Variants in MACROD2 observed in about 807,000 individuals in gnomAD.
The protein encoded by MACROD2 is ADP-ribose glycohydrolase MACROD2.
A neutral mutation model predicts 70.4 loss-of-function variants in MACROD2; 36 were observed. The ratio of observed to expected loss-of-function variants is 0.51; its 90% confidence interval spans 0.39 to 0.68. The LOEUF (loss-of-function observed/expected upper bound fraction) is 0.68. Ranked by LOEUF, MACROD2 falls within the 30% of genes least tolerant of loss-of-function variation. MACROD2 has a pLI of 0.00. For synonymous variants in MACROD2, 172 were observed against 178.8 expected (o/e 0.96, Z 0.30); for missense variants, 496 against 538.4 (o/e 0.92, Z 0.78).
intron 6 of MACROD2, among the ~76,000 whole-genome samples, chr20:15,372,951 T>G (rs2045513059): frequency 6.6e-6 from 1 of 151,900 alleles, no homozygotes; most frequent in African/African-American, 2.4e-5. Context: ...GCTTGGGAGG[T>G]TGGGGCAGAA....
At chr20:14,309,289 C>T (rs193173368) in intron 3 of MACROD2, among the ~76,000 whole-genome samples, 22 of 152,218 alleles carry the variant, frequency 1.4e-4, no homozygotes, top group Admixed American at 1.2e-3. Flanking sequence ...AGACCCTTCA[C>T]GTAATTTCCT....
chr20:15,568,690 A>T (rs1028958366), intron 8 of MACROD2, among the ~76,000 whole-genome samples: 1 of 152,204 alleles, frequency 6.6e-6, no homozygotes, highest in Admixed American at 6.5e-5. Flanking sequence ...AAGGTCACAC[A>T]TAAGATAAAT....
At chr20:14,346,349 C>A (rs552164247) in intron 3 of MACROD2, among the ~76,000 whole-genome samples, 91 of 152,200 alleles carry the variant, frequency 6.0e-4, no homozygotes, top group African/African-American at 2.2e-3. Flanking sequence ...CTGTGTGGCT[C>A]ACATTCTATC....
chr20:15,757,626 T>G (rs149257203), intron 8 of MACROD2, among the ~76,000 whole-genome samples: 1 of 152,282 alleles, frequency 6.6e-6, no homozygotes, highest in East Asian at 1.9e-4. Context: ...GACTGGGTGA[T>G]CTAAACAACA....
At chr20:15,256,784 TTG>T (rs2146036955) in intron 6 of MACROD2, among the ~76,000 whole-genome samples, 1 of 152,196 alleles carries the variant, frequency 6.6e-6, no homozygotes, top group African/African-American at 2.4e-5. Flanking sequence ...TTGGATTTAT[TTG>T]GAAATGACAG....
At chr20:14,136,375 AG>A (rs2054798194) in intron 3 of MACROD2, among the ~76,000 whole-genome samples, 1 of 152,214 alleles carries the variant, frequency 6.6e-6, no homozygotes, top group Non-Finnish European at 1.5e-5. Flanking sequence ...AGGCCGAGAC[AG>A]ACCTAGATGT....
intron 4 of MACROD2, among the ~76,000 whole-genome samples, chr20:14,570,828 C>CT (rs1980143081): frequency 6.6e-6 from 1 of 151,850 alleles, no homozygotes; most frequent in Non-Finnish European, 1.5e-5. Context: ...ACAACTTAGA[C>CT]AAGAATTAGA....
intron 7 of MACROD2, among the ~76,000 whole-genome samples, chr20:15,458,632 T>TTG (rs990865702): frequency 3.4e-5 from 5 of 148,740 alleles, no homozygotes; most frequent in African/African-American, 4.9e-5. Flanking sequence ...TTTTTGTTTT[T>TTG]TTTTTTTAAA....
At chr20:15,277,661 C>G (rs1025988632) in intron 6 of MACROD2, among the ~76,000 whole-genome samples, 9 of 152,162 alleles carry the variant, frequency 5.9e-5, no homozygotes, top group African/African-American at 2.2e-4. Flanking sequence ...GATAGAGGAT[C>G]TAGACCCTAG....
chr20:14,509,136 A>G (rs775957750), intron 4 of MACROD2, among the ~76,000 whole-genome samples: 3 of 152,154 alleles, frequency 2.0e-5, no homozygotes, highest in Non-Finnish European at 4.4e-5. Flanking sequence ...AAATCAAAAG[A>G]ACCATAAGCT....
chr20:14,177,676 G>A (rs1260591959), intron 3 of MACROD2, among the ~76,000 whole-genome samples: 2 of 152,106 alleles, frequency 1.3e-5, no homozygotes, highest in African/African-American at 2.4e-5. Flanking sequence ...AATGACCAGT[G>A]AAATAGGATA....
At chr20:15,431,725 T>C (rs1231615115) in intron 7 of MACROD2, among the ~76,000 whole-genome samples, 1 of 152,068 alleles carries the variant, frequency 6.6e-6, no homozygotes, top group Non-Finnish European at 1.5e-5. Context: ...AATATTGCTT[T>C]GTTTAATGAA....
intron 7 of MACROD2, among the ~76,000 whole-genome samples, chr20:15,464,658 A>G (rs1273197521): frequency 6.6e-6 from 1 of 152,170 alleles, no homozygotes; most frequent in Non-Finnish European, 1.5e-5. Context: ...AGATAATTAA[A>G]CATAATCACA....
At chr20:14,697,792 C>G (rs2071144502) in intron 5 of MACROD2, among the ~76,000 whole-genome samples, 1 of 152,108 alleles carries the variant, frequency 6.6e-6, no homozygotes, top group African/African-American at 2.4e-5. Flanking sequence ...AACAGTGGAG[C>G]TTTCGGTAGA....
chr20:15,715,362 A>G (rs554393811), intron 8 of MACROD2, among the ~76,000 whole-genome samples: 1 of 152,296 alleles, frequency 6.6e-6, no homozygotes, highest in South Asian at 2.1e-4. Flanking sequence ...TGCAACCCTG[A>G]TCTTACTTGG....
At chr20:14,215,887 TC>T (rs1455173270) in intron 3 of MACROD2, among the ~76,000 whole-genome samples, 4 of 152,072 alleles carry the variant, frequency 2.6e-5, no homozygotes, top group African/African-American at 9.7e-5. Flanking sequence ...TGATTTGAGT[TC>T]ATTGGATATT....
chr20:16,041,603 A>C (rs545184098), intron 16 of MACROD2, among the ~76,000 whole-genome samples: 1 of 152,072 alleles, frequency 6.6e-6, no homozygotes, highest in Admixed American at 6.6e-5. Context: ...TTACTTCTGC[A>C]AAAGGTACTT....
chr20:15,994,805 A>G (rs1326932449), intron 15 of MACROD2, among the ~76,000 whole-genome samples: 1 of 152,128 alleles, frequency 6.6e-6, no homozygotes, highest in African/African-American at 2.4e-5. Flanking sequence ...CACCTAAGTC[A>G]TTGAAACTCA....
intron 5 of MACROD2, among the ~76,000 whole-genome samples, chr20:15,204,506 A>T (rs2076684756): frequency 6.6e-6 from 1 of 152,122 alleles, no homozygotes; most frequent in Non-Finnish European, 1.5e-5. Flanking sequence ...CAGAGATGAC[A>T]TGGTACCTGG....
Sources: gnomAD v4.1 joint callset for allele counts (sites outside exome capture counted in the v4.1 genomes callset) on GRCh38, gnomAD v4.1.1 for gene constraint, MANE v1.5 for transcripts, NCBI Gene and HGNC (gene_info 2026-07-23, HGNC 2026-07-21) for gene names.